The following SLC60A1 variants were observed in gnomAD, a reference collection of about 807,000 sequenced individuals.
The protein encoded by SLC60A1 is solute carrier family 60 member 1.
At chr1:205,584,939 T>G in the SLC60A1 span, 1 of 1,614,034 alleles carries the variant, frequency 6.2e-7, no homozygotes, top group Non-Finnish European at 8.5e-7. Flanking sequence ...TATTCCTTCT[T>G]TGCCATCCAC....
the SLC60A1 span, chr1:205,599,020 G>A: frequency 2.2e-6 from 3 of 1,377,882 alleles, no homozygotes; most frequent in Non-Finnish European, 3.0e-6. Context: ...TGGTGTGACG[G>A]GCCTCAACTT....
the SLC60A1 span, among the ~76,000 whole-genome samples, chr1:205,576,848 C>T: frequency 9.2e-5 from 14 of 152,142 alleles, no homozygotes; most frequent in African/African-American, 3.4e-4. Flanking sequence ...ACAGATGTCC[C>T]CATTTATTGG....
chr1:205,590,543 G>A, the SLC60A1 span, among the ~76,000 whole-genome samples: 2 of 152,162 alleles, frequency 1.3e-5, no homozygotes, highest in African/African-American at 2.4e-5. Flanking sequence ...AACAGATCCT[G>A]TGGCAGAGAC....
chr1:205,586,720 A>G, the SLC60A1 span, among the ~76,000 whole-genome samples: 1 of 146,064 alleles, frequency 6.8e-6, no homozygotes, highest in African/African-American at 2.6e-5. Context: ...TTTTTGAGAT[A>G]GGGTCTCCCT....
chr1:205,602,863 A>G, the SLC60A1 span: 1 of 152,232 alleles, frequency 6.6e-6, no homozygotes, highest in Non-Finnish European at 1.5e-5. Context: ...TAATACAGAA[A>G]ACAACATTAA....
the SLC60A1 span, among the ~76,000 whole-genome samples, chr1:205,582,528 G>C: frequency 6.6e-6 from 1 of 152,158 alleles, no homozygotes; most frequent in Admixed American, 6.5e-5. Context: ...CCAATCCTCT[G>C]TGAAGCCCTT....
chr1:205,582,374 A>G, the SLC60A1 span, among the ~76,000 whole-genome samples: 2 of 152,262 alleles, frequency 1.3e-5, no homozygotes, highest in Non-Finnish European at 2.9e-5. Flanking sequence ...GCACGGAGGA[A>G]GATGGGCTGT....
chr1:205,577,420 CT>C, the SLC60A1 span, among the ~76,000 whole-genome samples: 1 of 152,208 alleles, frequency 6.6e-6, no homozygotes, highest in Non-Finnish European at 1.5e-5. The surrounding 1 kb of genome is among the most constrained non-coding windows in gnomAD (Gnocchi z 5.2). Flanking sequence ...CCAGGCATGG[CT>C]TCCACAATGA....
At chr1:205,599,353 TGCTCTGTTCC>T in the SLC60A1 span, 1 of 1,408,998 alleles carries the variant, frequency 7.1e-7, no homozygotes, top group African/African-American at 1.4e-5. Flanking sequence ...CCAGAAACGC[TGCTCTGTTCC>T]AAGTAAAATG....
the SLC60A1 span, among the ~76,000 whole-genome samples, chr1:205,582,805 T>C: frequency 6.6e-6 from 1 of 152,312 alleles, no homozygotes; most frequent in East Asian, 1.9e-4. Context: ...AAGGTCACCA[T>C]AGGGAGGTGC....
chr1:205,593,713 T>G, the SLC60A1 span, among the ~76,000 whole-genome samples: 2 of 152,204 alleles, frequency 1.3e-5, no homozygotes, highest in African/African-American at 4.8e-5. Context: ...ATAAGTCGTA[T>G]GTGCTCACTG....
At chr1:205,569,112 C>G in the SLC60A1 span, 1 of 1,523,822 alleles carries the variant, frequency 6.6e-7, no homozygotes, top group Non-Finnish European at 8.8e-7. Flanking sequence ...CCGCCGCAAC[C>G]TGCAGCCCAC....
chr1:205,584,173 C>G, the SLC60A1 span: 2 of 1,538,474 alleles, frequency 1.3e-6, no homozygotes, highest in South Asian at 2.3e-5. Flanking sequence ...TTGAGGCTTC[C>G]TTGGTAACCC....
At chr1:205,588,694 C>A in the SLC60A1 span, among the ~76,000 whole-genome samples, 2 of 152,134 alleles carry the variant, frequency 1.3e-5, no homozygotes, top group African/African-American at 4.8e-5. Flanking sequence ...GTGACTACTT[C>A]CGAGTATTCC....
the SLC60A1 span, chr1:205,579,682 G>A: frequency 6.4e-7 from 1 of 1,568,748 alleles, no homozygotes; most frequent in South Asian, 1.1e-5. Flanking sequence ...AGACCACCCA[G>A]TGAATGGAGG....
chr1:205,569,259 C>T, the SLC60A1 span: 3 of 1,566,394 alleles, frequency 1.9e-6, no homozygotes, highest in Admixed American at 1.8e-5. Context: ...GCAGCTCTGC[C>T]TCCTGCTGGG....
chr1:205,592,393 A>G, the SLC60A1 span: 2 of 1,163,458 alleles, frequency 1.7e-6, no homozygotes, highest in African/African-American at 3.2e-5. Context: ...TAATTTTATT[A>G]TTATTATACT....
chr1:205,584,222 T>TTTA, the SLC60A1 span: 22 of 1,181,648 alleles, frequency 1.9e-5, no homozygotes, highest in Admixed American at 3.5e-4. Context: ...CAGGTGATTT[T>TTTA]TTTTTTTTTT....
At chr1:205,599,533 CCCA>C in the SLC60A1 span, among the ~76,000 whole-genome samples, 1 of 152,164 alleles carries the variant, frequency 6.6e-6, no homozygotes, top group African/African-American at 2.4e-5. Flanking sequence ...CTTCCTGCAT[CCCA>C]CCATGTCATG....
Sources: allele counts gnomAD v4.1 joint callset (sites outside exome capture counted in the v4.1 genomes callset), GRCh38; gene constraint gnomAD v4.1.1; non-coding constraint Gnocchi (gnomAD v3.1); transcripts MANE v1.5; gene names NCBI Gene and HGNC (gene_info 2026-07-23, HGNC 2026-07-21).